Variants in CFAP61 observed in about 807,000 individuals in gnomAD.
CFAP61 encodes the protein cilia- and flagella-associated protein 61.
In CFAP61, 107 loss-of-function variants were observed where a neutral mutation model predicts 135.6. That is an observed-to-expected ratio of 0.79 (90% CI 0.67 to 0.93). CFAP61 has a LOEUF of 0.93. Among genes scored for constraint, CFAP61 ranks in the 40% least tolerant of loss-of-function variants. The pLI is 0.00. For missense variants in CFAP61, 1,507 were observed against 1,556.2 expected (o/e 0.97, Z 0.53); for synonymous variants, 575 against 578.5 (o/e 0.99, Z 0.09).
chr20:20,194,360 A>G (rs1385912276), intron 15 of CFAP61, among the ~76,000 whole-genome samples: 1 of 152,172 alleles, frequency 6.6e-6, no homozygotes, highest in African/African-American at 2.4e-5. Context: ...GAGTTCACCT[A>G]TTTAACTTCC....
rs141667414 is a variant in CFAP61 at position 20,260,671 on chromosome 20, T to C, written c.2329-2285T>C. The stretch of plus-strand genomic sequence containing the variant: ...ATTTTCAATTTGGACCTTATTCTTT[T>C]TTCTCCTCTTCCTTTTTATTTTTGC... On this transcript the variant is annotated intron_variant, in intron 20 of 26. Transcript: ENST00000245957. 3.3e-5 allele frequency among the ~76,000 whole-genome samples: 5 copies of C among 152,354 alleles called. No homozygotes were observed. In the South Asian group the frequency reaches 6.2e-4, roughly 19 times the overall value.
rs900028370 is a variant in CFAP61 at position 20,343,488 on chromosome 20, C to T, written c.3513+1567C>T. Among the ~76,000 whole-genome samples the T allele has an allele frequency of 5.3e-5, 8 of 152,140 alleles. 1 individual carries two copies. The South Asian group carries it at 1.0e-3, about 20-fold the overall frequency. ...TGCCCAAGTCAGAGGCTGCTGAAGG[C>T]GTGCATGTGGCAATGGAATCCACTA... is the stretch of plus-strand genomic sequence containing the variant. On this transcript the variant is annotated intron_variant, in intron 26 of 26. Transcript: ENST00000245957.
rs749731806 is a variant in CFAP61 at position 20,298,338 on chromosome 20, A to G, written c.3374A>G (p.Asn1125Ser). 3 of 1,614,168 alleles carry G rather than the reference A, an allele frequency of 1.9e-6. No homozygotes were observed. The highest frequency in any genetic ancestry group is 1.1e-5 in the South Asian group (1 of 91,072). Reference sequence around the variant, plus strand: ...TTTGGCCAGCACGAGCAACTCCTCAACAACCTGTGTGCTCGGTACGATGAA... The same window carrying G: ...TTTGGCCAGCACGAGCAACTCCTCAGCAACCTGTGTGCTCGGTACGATGAA... Reference protein sequence around the residue: ...RLFGQHEQLLNNLCARYDENL... With the variant: ...RLFGQHEQLLSNLCARYDENL... The change falls in exon 25 of 27, where the codon AAC (asparagine) becomes AGC (serine). Residue 1125 changes from asparagine to serine, a missense_variant. Asn to Ser is a conservative substitution (Grantham distance 46). Transcript: ENST00000245957.
At chr20:20,217,016 T>C (rs2048086155) in intron 17 of CFAP61, among the ~76,000 whole-genome samples, 1 of 152,228 alleles carries the variant, frequency 6.6e-6, no homozygotes, top group Admixed American at 6.5e-5. Context: ...TCTCTTTTCA[T>C]TTCTATTTAA....
chr20:20,257,587 C>A (rs2036927535), intron 20 of CFAP61, among the ~76,000 whole-genome samples: 1 of 144,088 alleles, frequency 6.9e-6, no homozygotes, highest in Admixed American at 7.3e-5. Flanking sequence ...GCACTCCAGC[C>A]TGGGCAACAG....
intron 13 of CFAP61, among the ~76,000 whole-genome samples, chr20:20,175,868 G>GA (rs2054591992): frequency 6.6e-6 from 1 of 152,006 alleles, no homozygotes. Context: ...TCATCTGGTA[G>GA]AAAATAATTG....
At chr20:20,284,878 T>C (rs2424325) in intron 22 of CFAP61, among the ~76,000 whole-genome samples, 125,550 of 152,164 alleles carry the variant, frequency 0.83, 51,993 homozygotes, top group Middle Eastern at 0.87. Context: ...TTATAGATAC[T>C]CAGATATTTA....
chr20:20,318,464 G>A (rs1331996369), intron 25 of CFAP61, among the ~76,000 whole-genome samples: 1 of 152,200 alleles, frequency 6.6e-6, no homozygotes, highest in Non-Finnish European at 1.5e-5. Flanking sequence ...GAAACCAGCG[G>A]ACACTGGGAG....
chr20:20,251,551 T>C (rs2050908758), intron 19 of CFAP61, 44 bp from the exon 20 acceptor site: 1 of 1,597,398 alleles, frequency 6.3e-7, no homozygotes, highest in Admixed American at 1.7e-5. Flanking sequence ...TAATGCCCGC[T>C]GTCAGCTGCT....
At chr20:20,322,716 C>G in intron 25 of CFAP61, 1 of 985,364 alleles carries the variant, frequency 1.0e-6, no homozygotes, top group Non-Finnish European at 1.2e-6. Flanking sequence ...CTGGCATCTT[C>G]CTTCTGTGGC....
intron 2 of CFAP61, among the ~76,000 whole-genome samples, chr20:20,061,897 C>T (rs1291872661): frequency 6.6e-6 from 1 of 152,166 alleles, no homozygotes; most frequent in East Asian, 1.9e-4. Context: ...ATCCTGGGTA[C>T]TCACTCCCAG....
At chr20:20,157,023 A>G (rs2052968077) in intron 9 of CFAP61, among the ~76,000 whole-genome samples, 1 of 152,206 alleles carries the variant, frequency 6.6e-6, no homozygotes, top group East Asian at 1.9e-4. Context: ...ACAGCCAGAG[A>G]AACTTTGAAA....
intron 2 of CFAP61, among the ~76,000 whole-genome samples, chr20:20,069,481 T>C (rs1368880942): frequency 2.6e-5 from 4 of 152,168 alleles, no homozygotes; most frequent in East Asian, 3.9e-4. Flanking sequence ...GTTTTCACCA[T>C]GTTGGCCAGG....
chr20:20,264,560 T>A (rs1485807179), intron 21 of CFAP61, among the ~76,000 whole-genome samples: 2 of 152,234 alleles, frequency 1.3e-5, no homozygotes, highest in Non-Finnish European at 2.9e-5. Context: ...CCATGATCTA[T>A]GTAGACTCAG....
At chr20:20,211,431 C>T (rs1330203566) in intron 17 of CFAP61, among the ~76,000 whole-genome samples, 2 of 152,126 alleles carry the variant, frequency 1.3e-5, no homozygotes, top group African/African-American at 2.4e-5. Context: ...TAAGCTTAGT[C>T]AAGATGACTG....
intron 8 of CFAP61, among the ~76,000 whole-genome samples, chr20:20,114,481 G>A (rs2049004297): frequency 6.6e-6 from 1 of 152,074 alleles, no homozygotes; most frequent in Admixed American, 6.5e-5. Flanking sequence ...TTTTTATAGA[G>A]AGGCTTCGCA....
chr20:20,170,231 T>A (rs1020130953), intron 13 of CFAP61, among the ~76,000 whole-genome samples: 3 of 152,180 alleles, frequency 2.0e-5, no homozygotes, highest in African/African-American at 7.2e-5. Flanking sequence ...TGTCTCAGAA[T>A]GGGAAAGTTC....
At chr20:20,231,242 T>C (rs2049114584) in intron 18 of CFAP61, among the ~76,000 whole-genome samples, 1 of 152,174 alleles carries the variant, frequency 6.6e-6, no homozygotes, top group South Asian at 2.1e-4. Flanking sequence ...TGCTATTTTA[T>C]CTGCTAGCTG....
At chr20:20,094,371 A>C (rs996846675) in intron 7 of CFAP61, 3 of 152,188 alleles carry the variant, frequency 2.0e-5, no homozygotes, top group African/African-American at 7.2e-5. Flanking sequence ...ACTCCTGAGA[A>C]GTGAAATGAT....
Sources: gnomAD v4.1 joint callset for allele counts (sites outside exome capture counted in the v4.1 genomes callset) on GRCh38, gnomAD v4.1.1 for gene constraint, MANE v1.5 for transcripts, NCBI Gene and HGNC (gene_info 2026-07-23, HGNC 2026-07-21) for gene names.